TPR: variants seen among roughly 807,000 people sequenced by gnomAD.
TPR encodes nucleoprotein TPR.
Under a neutral mutation model 316.1 loss-of-function variants are expected in TPR, and 51 were observed. The ratio of observed to expected loss-of-function variants is 0.16; its 90% CI spans 0.13 to 0.20. The LOEUF is 0.20. Among genes scored for constraint, TPR ranks in the 10% least tolerant of loss-of-function variants. The probability of loss-of-function intolerance (pLI) is 1.00; values close to 1 mark genes in which losing one functional copy is unlikely to be tolerated. For missense variants in TPR, 2,272 were observed against 2,754.8 expected, an observed-to-expected ratio of 0.82 and a Z score of 3.92; for synonymous variants, 981 against 914.7, an observed-to-expected ratio of 1.07 and a Z score of -1.31.
chr1:186,359,709 T>C, intron 12 of TPR, 90 bp downstream of exon 12: 1 of 1,304,472 alleles, frequency 7.7e-7, no homozygotes, highest in Non-Finnish European at 1.0e-6. Context: ...TAGATTTTTC[T>C]GACTCAATCA....
chr1:186,357,287 A>G (rs1659058348), intron 14 of TPR, 110 bp downstream of exon 14: 2 of 1,021,752 alleles, frequency 2.0e-6, no homozygotes, highest in South Asian at 3.1e-5. Context: ...GGCTCAAATG[A>G]TACCCCATTT....
Position 186,363,409 on chromosome 1 carries a change from C to A in TPR, c.464G>T (p.Ser155Ile). The change falls in exon 5 of 51, where the codon AGC becomes ATC. Residue 155 changes from serine (S) to isoleucine (I), a missense_variant. Around this residue, in one of 10 missense-constraint regions of TPR, gnomAD observed 549 missense variants for 598.6 expected, o/e 0.92. Transcript: ENST00000367478. Reference protein sequence around the residue: ...VKRLNEKLKESNTTKGELQLK... With the variant: ...VKRLNEKLKEINTTKGELQLK... ...CTGAAGTTCACCCTTTGTTGTATTG[C>A]TTTCTTTAAGTTTTTCATTCAGACG... 1 of 1,612,462 alleles carries A rather than the reference C, an allele frequency of 6.2e-7. No individual in the cohort carries two copies. Among genetic ancestry groups the A allele is most frequent in the South Asian group, 1.1e-5 (1 of 91,014 alleles).
At chr1:186,371,839 C>A (rs891833010) in intron 2 of TPR, among the ~76,000 whole-genome samples, 10 of 152,052 alleles carry the variant, frequency 6.6e-5, no homozygotes, top group African/African-American at 2.4e-4. Flanking sequence ...ACTTACTGAT[C>A]CAGAGTATAT....
chr1:186,336,659 G>A lies in TPR; in HGVS notation c.4542C>T (p.Leu1514=). 6.2e-7 allele frequency: 1 copy of A among 1,613,630 alleles called. No homozygotes were observed. Among genetic ancestry groups the A allele is most frequent in the South Asian group, 1.1e-5 (1 of 91,058 alleles). The change falls in exon 33 of 51, where the codon CTC becomes CTT. Residue 1514 remains leucine (L), a synonymous_variant. Transcript: ENST00000367478. ...ACTGAAGTTGCACAGTCTGTTCCTG[G>A]AGATTTCTTGCTTCTGTCTCTTTTT... ...LSEKETEARN[L]QEQTVQLQSE...
intron 23 of TPR, 35 bp downstream of exon 23, chr1:186,346,100 G>C (rs1403717691): frequency 6.5e-7 from 1 of 1,549,098 alleles, no homozygotes; most frequent in East Asian, 2.3e-5. Flanking sequence ...ATCCTTACAA[G>C]TTAAAAAAAA....
At chr1:186,343,596 T>C in intron 26 of TPR, 123 bp from the exon 27 acceptor site, 1 of 848,678 alleles carries the variant, frequency 1.2e-6, no homozygotes, top group Non-Finnish European at 1.8e-6. Context: ...TTTTCATTAA[T>C]AATAAATAAT....
At position 186,358,646 on chromosome 1, in the gene TPR, A is replaced by G; in HGVS notation, c.1394T>C (p.Ile465Thr). ...ATCAGTGTCCTCCTGCAATCGCTGA[A>G]TCTCCTTTAAAATGTAAATTCAAGT... ...SVKLEQAMKE[I>T]QRLQEDTDKA... Residue 465 changes from isoleucine (I) to threonine (T), a missense_variant, in exon 13 of 51, where the codon ATT becomes ACT. Around this residue, in one of 10 missense-constraint regions of TPR, gnomAD observed 549 missense variants for 598.6 expected, o/e 0.92. Transcript: ENST00000367478. 1 of 1,611,234 alleles carries G rather than the reference A, an allele frequency of 6.2e-7. No individual in the cohort carries two copies. The highest frequency in any genetic ancestry group is 8.5e-7 in the Non-Finnish European group (1 of 1,178,902).
chr1:186,333,503 G>T, intron 36 of TPR, 109 bp from the exon 37 acceptor site: 1 of 1,324,578 alleles, frequency 7.5e-7, no homozygotes, highest in Middle Eastern at 2.2e-4. Flanking sequence ...TTGGCACTTG[G>T]TAGACAAATA....
At position 186,367,874 on chromosome 1, in the gene TPR, ACTT is replaced by A; in HGVS notation, c.427+9_427+11del. 2 of 1,578,666 alleles carry A rather than the reference ACTT, an allele frequency of 1.3e-6. No individual in the cohort carries two copies. Among genetic ancestry groups the A allele is most frequent in the African/African-American group, 1.3e-5 (1 of 74,386 alleles). On this transcript the variant is annotated intron_variant, in intron 4 of 50. Coordinates refer to ENST00000367478, the MANE Select transcript of TPR (RefSeq NM_003292.3). ...AGGAATGGAGCTAAAAGCTACAAGC[ACTT>A]CTTCATACCTGTTAAGTATTCAAGT...
intron 21 of TPR, among the ~76,000 whole-genome samples, chr1:186,349,032 C>T (rs968706971): frequency 2.0e-5 from 3 of 152,066 alleles, no homozygotes; most frequent in Non-Finnish European, 2.9e-5. Context: ...GGTCACATCC[C>T]GATAAACTCA....
At chr1:186,333,871 G>T (rs1225407028) in intron 36 of TPR, among the ~76,000 whole-genome samples, 2 of 152,096 alleles carry the variant, frequency 1.3e-5, no homozygotes, top group Admixed American at 1.3e-4. Flanking sequence ...AAATATGCAG[G>T]TAGCAAAGTT....
chr1:186,330,939 G>T (rs1658144511), intron 39 of TPR, among the ~76,000 whole-genome samples: 1 of 152,022 alleles, frequency 6.6e-6, no homozygotes, highest in Non-Finnish European at 1.5e-5. Context: ...GACAATGCAG[G>T]GAATTAATGA....
intron 30 of TPR, among the ~76,000 whole-genome samples, chr1:186,338,721 T>C (rs1438565694): frequency 6.6e-6 from 1 of 152,192 alleles, no homozygotes; most frequent in South Asian, 2.1e-4. Context: ...CAAAACCAAA[T>C]CATGGGCCAC....
In TPR at chr1:186,314,741, G is replaced by A. The variant is rs1429299935; in HGVS notation, c.6941-17C>T. 3 of 1,557,774 alleles carry A rather than the reference G, an allele frequency of 1.9e-6. No individual in the cohort carries two copies. The highest frequency in any genetic ancestry group is 3.7e-5 in the Admixed American group (2 of 53,376). On this transcript the variant is annotated splice_polypyrimidine_tract_variant and intron_variant, in intron 49 of 50. Transcript: ENST00000367478. ...TACTAGTATCTAAGAAAAACATTAA[G>A]ATAAAAGAAAAGCAAGTGAAAAAAT...
chr1:186,350,673 C>G (rs984532372), intron 20 of TPR, among the ~76,000 whole-genome samples: 1 of 152,156 alleles, frequency 6.6e-6, no homozygotes, highest in Admixed American at 6.5e-5. Context: ...AGGAGACTCT[C>G]TGAATTGAGA....
intron 37 of TPR, 50 bp downstream of exon 37, chr1:186,333,072 T>C (rs745408129): frequency 1.9e-6 from 3 of 1,585,566 alleles, no homozygotes; most frequent in South Asian, 2.3e-5. Context: ...ACACTCAAGA[T>C]CTTATAAATG....
Position 186,312,871 on chromosome 1 carries a change from A to G in TPR, c.*1100T>C. ...CCCAACATCAGAAAACCTGACGGCTATGATTACTATGCCTTTTCTAAAGGT... is the reference window on the plus strand; with the variant it reads ...CCCAACATCAGAAAACCTGACGGCTGTGATTACTATGCCTTTTCTAAAGGT... On this transcript the variant is annotated 3_prime_UTR_variant, in exon 51 of 51. Coordinates refer to ENST00000367478, the MANE Select transcript of TPR (RefSeq NM_003292.3). The G allele has an allele frequency of 6.2e-7, 1 of 1,612,576 alleles. No homozygotes were observed. The highest frequency in any genetic ancestry group is 8.5e-7 in the Non-Finnish European group (1 of 1,178,584).
chr1:186,339,875 G>T (rs1558008027), intron 29 of TPR, 103 bp from the exon 30 acceptor site: 1 of 954,364 alleles, frequency 1.0e-6, no homozygotes, highest in Non-Finnish European at 1.5e-6. Flanking sequence ...TAGGTGTCCT[G>T]CATGTAAAGT....
chr1:186,352,482 G>A (rs16825230), intron 18 of TPR, among the ~76,000 whole-genome samples: 10,572 of 152,168 alleles, frequency 0.069, 1,230 homozygotes, highest in African/African-American at 0.24. Flanking sequence ...ATCCAAGCCG[G>A]TTTCAAAGTA....
Sources: gnomAD v4.1 joint callset for allele counts (sites outside exome capture counted in the v4.1 genomes callset) on GRCh38, gnomAD v4.1.1 for gene constraint, gnomAD v4.1.1 regional missense constraint, MANE v1.5 for transcripts, NCBI Gene and HGNC (gene_info 2026-07-23, HGNC 2026-07-21) for gene names.